The following ZFHX3 variants were observed in gnomAD, a reference collection of about 807,000 sequenced individuals.
ZFHX3 encodes zinc finger homeobox 3, also known as zinc finger homeobox protein 3.
A neutral mutation model predicts 279.1 loss-of-function variants in ZFHX3; 42 were observed. That is an observed-to-expected ratio of 0.15 (90% CI 0.12 to 0.19). The LOEUF (loss-of-function observed/expected upper bound fraction) is 0.19, where lower values mean the gene tolerates loss of function less well. ZFHX3 is among the 10% of genes least tolerant of loss of function. ZFHX3 has a pLI of 1.00. For missense variants in ZFHX3, 4,981 were observed against 4,754.0 expected (o/e 1.05, Z -1.40); for synonymous variants, 2,293 against 1,957.8 (o/e 1.17, Z -4.52).
At chr16:73,106,663 T>C (rs1400902028) in intron 7 of ZFHX3, among the ~76,000 whole-genome samples, 2 of 152,204 alleles carry the variant, frequency 1.3e-5, no homozygotes, top group East Asian at 3.9e-4. Flanking sequence ...TGGAAAAAGC[T>C]GGGGGCCAAT....
chr16:73,625,943 C>T (rs1392629808), intron 2 of ZFHX3, among the ~76,000 whole-genome samples: 11 of 152,138 alleles, frequency 7.2e-5, no homozygotes, highest in African/African-American at 9.7e-5. Flanking sequence ...CCACAAGCTC[C>T]GCCTCCCGGG....
At chr16:73,521,366 T>A (rs1051798638) in intron 2 of ZFHX3, among the ~76,000 whole-genome samples, 1 of 152,182 alleles carries the variant, frequency 6.6e-6, no homozygotes, top group South Asian at 2.1e-4. Context: ...CCATTGATAA[T>A]AGCAATAATA....
intron 2 of ZFHX3, among the ~76,000 whole-genome samples, chr16:73,591,692 CAAAAAAAAAA>C (rs57402211): frequency 1.2e-4 from 4 of 33,442 alleles, no homozygotes; most frequent in South Asian, 2.9e-3. Context: ...GACTCTGTCT[CAAAAAAAAAA>C]AAAAAAAAAA....
intron 1 of ZFHX3, among the ~76,000 whole-genome samples, chr16:72,977,450 G>A (rs1275982809): frequency 1.3e-5 from 2 of 152,140 alleles, no homozygotes; most frequent in Non-Finnish European, 2.9e-5. Context: ...GCTGCAGAGA[G>A]GGGAGTCTTA....
chr16:73,329,801 C>A (rs547617561), intron 3 of ZFHX3, among the ~76,000 whole-genome samples: 1 of 152,212 alleles, frequency 6.6e-6, no homozygotes, highest in African/African-American at 2.4e-5. Context: ...ACATATCGAA[C>A]AATAAAAAAC....
chr16:73,747,199 G>A (rs1419158778), intron 1 of ZFHX3, among the ~76,000 whole-genome samples: 3 of 152,024 alleles, frequency 2.0e-5, no homozygotes, highest in East Asian at 1.9e-4. Context: ...GACCAGCCTG[G>A]ACAACACAGG....
intron 2 of ZFHX3, among the ~76,000 whole-genome samples, chr16:73,636,326 C>G (rs772713540): frequency 6.6e-6 from 1 of 151,968 alleles, no homozygotes; most frequent in Non-Finnish European, 1.5e-5. Context: ...AATGATGAAA[C>G]CCTGGCAACA....
chr16:72,919,966 T>C (rs1462042216), intron 3 of ZFHX3, among the ~76,000 whole-genome samples: 2 of 151,728 alleles, frequency 1.3e-5, no homozygotes, highest in Non-Finnish European at 2.9e-5. Context: ...GCTAATTTTT[T>C]GTATTTTTAG....
intron 7 of ZFHX3, among the ~76,000 whole-genome samples, chr16:73,104,789 T>G (rs1011205539): frequency 2.0e-5 from 3 of 152,160 alleles, no homozygotes; most frequent in Non-Finnish European, 4.4e-5. Context: ...AGTGGCTACT[T>G]CAGAAGCCTT....
intron 1 of ZFHX3, among the ~76,000 whole-genome samples, chr16:73,033,147 G>A (rs980588860): frequency 6.6e-6 from 1 of 152,108 alleles, no homozygotes; most frequent in Non-Finnish European, 1.5e-5. Context: ...ATGGACAGGT[G>A]ACCTCAGCTG....
At chr16:73,062,687 T>G (rs1965699484), upstream of ZFHX3, among the ~76,000 whole-genome samples, 1 of 151,204 alleles carries the variant, frequency 6.6e-6, no homozygotes, top group Non-Finnish European at 1.5e-5. Context: ...GGCCCTGGGT[T>G]TTCTTCTGCA....
intron 1 of ZFHX3, among the ~76,000 whole-genome samples, chr16:73,730,372 A>AAAG (rs2053559417): frequency 7.0e-5 from 8 of 114,564 alleles, no homozygotes; most frequent in Non-Finnish European, 1.5e-4. Context: ...AAAAAAAAAA[A>AAAG]AAAGAAAAAG....
chr16:73,556,568 C>T (rs956522210), intron 2 of ZFHX3, among the ~76,000 whole-genome samples: 1 of 152,086 alleles, frequency 6.6e-6, no homozygotes, highest in African/African-American at 2.4e-5. Flanking sequence ...GCTTATTGTC[C>T]TCTGAAGAAA....
intron 2 of ZFHX3, among the ~76,000 whole-genome samples, chr16:73,568,859 A>T (rs1237879189): frequency 6.6e-6 from 1 of 152,106 alleles, no homozygotes; most frequent in African/African-American, 2.4e-5. Flanking sequence ...GCCACTCTCC[A>T]TGCCCCGCTG....
chr16:72,990,455 G>A (rs1398096129), intron 1 of ZFHX3, among the ~76,000 whole-genome samples: 1 of 152,130 alleles, frequency 6.6e-6, no homozygotes. Context: ...ATTTGAAGCG[G>A]GCGGGAGAGA....
chr16:72,906,105 G>A (rs144679064), intron 3 of ZFHX3, among the ~76,000 whole-genome samples: 12 of 151,954 alleles, frequency 7.9e-5, no homozygotes, highest in South Asian at 4.2e-4. Context: ...CCAACCCCCC[G>A]ATAAGATCCC....
intron 1 of ZFHX3, among the ~76,000 whole-genome samples, chr16:73,687,095 A>G (rs2053096851): frequency 7.6e-6 from 1 of 131,240 alleles, no homozygotes; most frequent in South Asian, 2.5e-4. Context: ...TTTTTATTTT[A>G]AAACATTTCC....
chr16:73,309,061 C>T lies in ZFHX3; in HGVS notation c.-1194+9179G>A, dbSNP rs903503081. On this transcript the variant is annotated intron_variant, in intron 4 of 17. Transcript: ENST00000641206. ...CACAGATGGGAAGCTATGAAGTTTA[C>T]TATTTTTTATTATGATTTTTTAATC... Among the ~76,000 whole-genome samples, 13 of 152,046 alleles carry T rather than the reference C, an allele frequency of 8.6e-5. No individual in the cohort carries two copies. The East Asian group carries it at 1.9e-3, about 23-fold the overall frequency.
At position 72,958,532 on chromosome 16, in the gene ZFHX3, G is replaced by A. The variant is rs376393467; in HGVS notation, c.1614C>T (p.Asn538=). Residue 538 remains asparagine (N), a synonymous_variant, in exon 2 of 10, where the codon AAC becomes AAT. Coordinates refer to ENST00000268489, the MANE Select transcript of ZFHX3 (RefSeq NM_006885.4). ...QSISNSPLMP[N]VLQTLSRGTA... ...TGCCCCTCGACAGGGTCTGGAGCAC[G>A]TTAGGCATTAAGGGGGAGTTAGAAA... 6.2e-6 allele frequency: 10 copies of A among 1,614,040 alleles called. No homozygotes were observed. In the African/African-American group the frequency reaches 8.0e-5, roughly 13 times the overall value.
Sources: gnomAD v4.1 joint callset for allele counts (sites outside exome capture counted in the v4.1 genomes callset) on GRCh38, gnomAD v4.1.1 for gene constraint, MANE v1.5 for transcripts, NCBI Gene and HGNC (gene_info 2026-07-23, HGNC 2026-07-21) for gene names.